The following PDE4D variants were observed in gnomAD, a reference collection of about 807,000 sequenced individuals.
The protein encoded by PDE4D is 3',5'-cyclic-AMP phosphodiesterase 4D.
In PDE4D, 24 loss-of-function variants were observed where a neutral mutation model predicts 87.4. That is an observed-to-expected ratio of 0.27 (90% confidence interval 0.20 to 0.39). The LOEUF (loss-of-function observed/expected upper bound fraction) is 0.39. Ranked by LOEUF, PDE4D falls within the 10% of genes least tolerant of loss-of-function variation. The pLI is 1.00. For synonymous variants in PDE4D, 384 were observed against 383.2 expected, an observed-to-expected ratio of 1.00 and a Z score of -0.02; for missense variants, 714 against 1,041.0, an observed-to-expected ratio of 0.69 and a Z score of 4.32.
intron 1 of PDE4D, among the ~76,000 whole-genome samples, chr5:60,204,269 A>G (rs534960330): frequency 2.5e-4 from 38 of 151,964 alleles, no homozygotes; most frequent in Non-Finnish European, 4.7e-4. Context: ...TCTGTCATCT[A>G]TCTATCTATC....
chr5:59,374,783 C>T (rs80144642), intron 1 of PDE4D, among the ~76,000 whole-genome samples: 1 of 146,458 alleles, frequency 6.8e-6, no homozygotes, highest in Non-Finnish European at 1.5e-5. Flanking sequence ...AAGTAAAACA[C>T]TACTCAGCAA....
intron 1 of PDE4D, among the ~76,000 whole-genome samples, chr5:60,297,326 A>C (rs1296907411): frequency 1.3e-5 from 2 of 152,198 alleles, no homozygotes; most frequent in African/African-American, 2.4e-5. Flanking sequence ...CTAGGCAAAA[A>C]CAGAAATATA....
At chr5:59,411,790 A>C (rs1208275406) in intron 1 of PDE4D, among the ~76,000 whole-genome samples, 1 of 152,236 alleles carries the variant, frequency 6.6e-6, no homozygotes, top group East Asian at 1.9e-4. Context: ...GACACAATTC[A>C]GCCCATAAAA....
intron 3 of PDE4D, among the ~76,000 whole-genome samples, chr5:59,935,365 G>C (rs904537489): frequency 2.0e-5 from 3 of 152,112 alleles, no homozygotes; most frequent in Admixed American, 1.3e-4. Context: ...TAGGAAGGTT[G>C]AGGTGATTTA....
At chr5:59,491,675 T>C (rs924118134) in intron 1 of PDE4D, among the ~76,000 whole-genome samples, 3 of 152,228 alleles carry the variant, frequency 2.0e-5, no homozygotes, top group African/African-American at 7.2e-5. Flanking sequence ...TATTTAACTA[T>C]ATGTATATTC....
At chr5:60,090,297 A>C (rs577683935) in intron 2 of PDE4D, among the ~76,000 whole-genome samples, 1 of 152,272 alleles carries the variant, frequency 6.6e-6, no homozygotes, top group Non-Finnish European at 1.5e-5. Flanking sequence ...ATACAAGCAA[A>C]CTGAATTCAA....
intron 3 of PDE4D, among the ~76,000 whole-genome samples, chr5:59,186,896 G>T (rs994708059): frequency 6.6e-6 from 1 of 152,166 alleles, no homozygotes; most frequent in African/African-American, 2.4e-5. Flanking sequence ...AATCTTGAAT[G>T]ATGCAGAAGT....
chr5:60,511,757 T>C (rs912871158), intron 1 of PDE4D, among the ~76,000 whole-genome samples: 3 of 151,954 alleles, frequency 2.0e-5, no homozygotes, highest in African/African-American at 7.2e-5. Flanking sequence ...TCCATATTCA[T>C]AATTGTCACA....
At chr5:59,744,322 T>A (rs1759296108) in intron 1 of PDE4D, among the ~76,000 whole-genome samples, 1 of 152,146 alleles carries the variant, frequency 6.6e-6, no homozygotes, top group Non-Finnish European at 1.5e-5. Context: ...ACTGTAATAT[T>A]AATTCTAGAC....
intron 1 of PDE4D, among the ~76,000 whole-genome samples, chr5:60,346,784 C>T (rs1326376764): frequency 6.6e-6 from 1 of 152,082 alleles, no homozygotes; most frequent in African/African-American, 2.4e-5. Flanking sequence ...GATTTTGATT[C>T]CTTAGTAAAG....
chr5:59,759,804 C>T (rs1026864739), intron 1 of PDE4D, among the ~76,000 whole-genome samples: 15 of 152,212 alleles, frequency 9.9e-5, no homozygotes, highest in Non-Finnish European at 2.1e-4. Context: ...TGCTCCCCAC[C>T]TTCTGGTATT....
At chr5:59,369,397 C>G (rs1211195892) in intron 1 of PDE4D, among the ~76,000 whole-genome samples, 1 of 152,030 alleles carries the variant, frequency 6.6e-6, no homozygotes, top group East Asian at 1.9e-4. Context: ...ATTTAATAGT[C>G]TTAGGTTTAA....
intron 3 of PDE4D, among the ~76,000 whole-genome samples, chr5:59,917,672 G>T (rs1049986691): frequency 2.6e-5 from 4 of 152,126 alleles, no homozygotes; most frequent in Admixed American, 2.6e-4. Flanking sequence ...GGTTGCTCTT[G>T]TGTTGTAAGC....
intron 1 of PDE4D, among the ~76,000 whole-genome samples, chr5:60,461,936 C>T (rs1394753251): frequency 6.6e-6 from 1 of 152,188 alleles, no homozygotes; most frequent in Non-Finnish European, 1.5e-5. Context: ...AACCCAAACA[C>T]TTCAGAATGG....
chr5:59,171,161 C>T (rs62357969), intron 5 of PDE4D, among the ~76,000 whole-genome samples: 11,664 of 152,184 alleles, frequency 0.077, 478 homozygotes, highest in African/African-American at 0.1. Flanking sequence ...GGATTACAGG[C>T]GTGAGCCACC....
intron 1 of PDE4D, among the ~76,000 whole-genome samples, chr5:60,235,532 T>A (rs1199996339): frequency 2.0e-5 from 3 of 151,788 alleles, no homozygotes; most frequent in Non-Finnish European, 4.4e-5. Flanking sequence ...ACAGCCTAGA[T>A]CCCGCTCCAC....
intron 2 of PDE4D, among the ~76,000 whole-genome samples, chr5:60,182,594 T>C (rs1269381494): frequency 6.6e-6 from 1 of 152,110 alleles, no homozygotes; most frequent in East Asian, 1.9e-4. Context: ...ATCCCGGCAT[T>C]GCACTCCAGC....
intron 2 of PDE4D, among the ~76,000 whole-genome samples, chr5:60,110,816 C>G (rs987221575): frequency 1.3e-5 from 2 of 152,054 alleles, no homozygotes; most frequent in Non-Finnish European, 2.9e-5. Context: ...AAATACTATT[C>G]AGCCACAAAA....
intron 6 of PDE4D, among the ~76,000 whole-genome samples, chr5:59,009,718 A>AC (rs1178387283): frequency 3.3e-5 from 5 of 152,256 alleles, no homozygotes; most frequent in Admixed American, 2.6e-4. Flanking sequence ...ATCCAATTGT[A>AC]CACATTTGTG....
Sources: gnomAD v4.1 joint callset for allele counts (sites outside exome capture counted in the v4.1 genomes callset) on GRCh38, gnomAD v4.1.1 for gene constraint, MANE v1.5 for transcripts, NCBI Gene and HGNC (gene_info 2026-07-23, HGNC 2026-07-21) for gene names.